MYOM2: variants seen among roughly 807,000 people sequenced by gnomAD.
The protein encoded by MYOM2 is myomesin-2.
Under a neutral mutation model 187.6 loss-of-function variants are expected in MYOM2, and 254 were observed. That is an observed-to-expected ratio of 1.35 (90% confidence interval 1.22 to 1.50). MYOM2 has a LOEUF of 1.50. Among genes scored for constraint, MYOM2 ranks in the 40% most tolerant of loss-of-function variants. The pLI is 0.00. For synonymous variants in MYOM2, 981 were observed against 753.8 expected, an observed-to-expected ratio of 1.30 and a Z score of -4.94; for missense variants, 2,796 against 1,924.0, an observed-to-expected ratio of 1.45 and a Z score of -8.48.
chr8:2,064,914 T>C (rs1416621587), intron 6 of MYOM2, among the ~76,000 whole-genome samples: 2 of 152,212 alleles, frequency 1.3e-5, no homozygotes, highest in Non-Finnish European at 2.9e-5. Context: ...ATTGCAGTTC[T>C]CAAAAGACTT....
At chr8:2,139,876 GC>G (rs1798215733) in intron 32 of MYOM2, among the ~76,000 whole-genome samples, 1 of 152,186 alleles carries the variant, frequency 6.6e-6, no homozygotes, top group Admixed American at 6.5e-5. Flanking sequence ...GAATGTATGA[GC>G]ACCTTGTTTT....
At chr8:2,084,508 T>G (rs1819740292) in intron 13 of MYOM2, among the ~76,000 whole-genome samples, 1 of 152,222 alleles carries the variant, frequency 6.6e-6, no homozygotes, top group African/African-American at 2.4e-5. Flanking sequence ...TTATCACAAT[T>G]TCAAGAACTG....
rs985473708 is a variant in MYOM2 at position 2,102,094 on chromosome 8, G to A, written c.2620-573G>A. The A allele has an allele frequency of 2.6e-5, 4 of 152,380 alleles. No homozygotes were observed. In the South Asian group the frequency reaches 8.3e-4, roughly 31 times the overall value. The allele number at this position is 152,380 out of a possible 1,614,324, so 9.4% of individuals were successfully genotyped here. On this transcript the variant is annotated intron_variant, in intron 20 of 36. Transcript: ENST00000262113. ...GGTCCGGCACCTGAGCACAGGCTGA[G>A]AGGGCCTTCCACGGGTGACACCTTC...
At chr8:2,111,440 A>G (rs957295282) in intron 25 of MYOM2, among the ~76,000 whole-genome samples, 10 of 152,266 alleles carry the variant, frequency 6.6e-5, no homozygotes, top group Admixed American at 1.3e-4. Flanking sequence ...GAATCTACTC[A>G]GTGAGAATCA....
chr8:2,096,559 A>G, intron 18 of MYOM2, 125 bp downstream of exon 18: 1 of 881,110 alleles, frequency 1.1e-6, no homozygotes, highest in Non-Finnish European at 1.7e-6. Context: ...AAAAAATAGC[A>G]TCATGAGATC....
In MYOM2 at chr8:2,102,781, G is replaced by A; in HGVS notation, c.2734G>A (p.Gly912Ser). ...SEPVLVEARP[G>S]TKEISAGVDE... ...GCCTGTGCTGGTAGAGGCGAGACCAGGTAAGGCTTACAACAAAAACTACAA... is the reference window on the plus strand; with the variant it reads ...GCCTGTGCTGGTAGAGGCGAGACCAAGTAAGGCTTACAACAAAAACTACAA... Residue 912 changes from glycine to serine, a missense_variant and splice_region_variant, in exon 21 of 37, where the codon GGC becomes AGC. By Grantham distance (56) the Gly-to-Ser change is moderately conservative. Coordinates refer to ENST00000262113, the MANE Select transcript of MYOM2 (RefSeq NM_003970.4). 6.2e-7 allele frequency: 1 copy of A among 1,610,600 alleles called. No individual in the cohort carries two copies. The highest frequency in any genetic ancestry group is 8.5e-7 in the Non-Finnish European group (1 of 1,177,078).
intron 6 of MYOM2, among the ~76,000 whole-genome samples, chr8:2,062,583 C>A (rs556718006): frequency 7.6e-4 from 116 of 152,218 alleles, no homozygotes; most frequent in Non-Finnish European, 1.3e-3. Context: ...GCAAAGGATG[C>A]CTCTCCTGGG....
At chr8:2,130,425 G>C (rs369425162) in intron 32 of MYOM2, among the ~76,000 whole-genome samples, 2 of 136,044 alleles carry the variant, frequency 1.5e-5, no homozygotes, top group African/African-American at 2.8e-5. Context: ...CCATCAGTAC[G>C]CTATACCCAG....
Position 2,109,490 on chromosome 8 carries a change from T to C in MYOM2, c.3139T>C (p.Tyr1047His). 1 of 1,613,520 alleles carries C rather than the reference T, an allele frequency of 6.2e-7. No individual in the cohort carries two copies. Among genetic ancestry groups the C allele is most frequent in the South Asian group, 1.1e-5 (1 of 91,030 alleles). ...QAEHLSPDAS[Y>H]RFIINDREVS... ...TGAGCACTTATCACCAGATGCCAGC[T>C]ACCGATTTATTATTAACGACAGAGA... Residue 1047 changes from tyrosine (Y) to histidine (H), a missense_variant, in exon 25 of 37, where the codon TAC becomes CAC. By Grantham distance (83) the Tyr-to-His change is moderately conservative. Coordinates refer to ENST00000262113, the MANE Select transcript of MYOM2 (RefSeq NM_003970.4).
chr8:2,078,584 A>T, intron 11 of MYOM2, 150 bp from the exon 12 acceptor site: 1 of 664,756 alleles, frequency 1.5e-6, no homozygotes, highest in Non-Finnish European at 2.6e-6. Context: ...ATGTTTATCT[A>T]TACAAGTCAA....
At chr8:2,068,531 C>G (rs923313601) in intron 6 of MYOM2, among the ~76,000 whole-genome samples, 1 of 151,090 alleles carries the variant, frequency 6.6e-6, no homozygotes, top group Non-Finnish European at 1.5e-5. Context: ...GGGTACAGCT[C>G]TTCAATGCCT....
At position 2,116,275 on chromosome 8, in the gene MYOM2, G is replaced by A. The variant is rs757002569; in HGVS notation, c.3385G>A (p.Gly1129Ser). 3.7e-6 allele frequency: 6 copies of A among 1,612,440 alleles called. No individual in the cohort carries two copies. The highest frequency in any genetic ancestry group is 4.2e-6 in the Non-Finnish European group (5 of 1,179,066). ...FQRKEFLRKQGPHFAEYLHWD... is the reference protein window; with the variant it reads ...FQRKEFLRKQSPHFAEYLHWD... ...AAGGAAAGAATTTCTCAGGAAACAA[G>A]GTGAGTTTCCTCACTCTGACCGGCT... Residue 1129 changes from glycine (G) to serine (S), a missense_variant and splice_region_variant, in exon 27 of 37, where the codon GGC becomes AGC. Gly to Ser is a moderately conservative substitution (Grantham distance 56, BLOSUM62 0). Coordinates refer to ENST00000262113, the MANE Select transcript of MYOM2 (RefSeq NM_003970.4).
chr8:2,051,864 G>A (rs137957323), intron 2 of MYOM2, among the ~76,000 whole-genome samples: 1 of 152,322 alleles, frequency 6.6e-6, no homozygotes, highest in East Asian at 1.9e-4. Flanking sequence ...GTGTGCACGC[G>A]CTGTGTGTAT....
In MYOM2 at chr8:2,111,722, G is replaced by A. The variant is rs28639459; in HGVS notation, c.3180+2191G>A. 1.6e-3 allele frequency among the ~76,000 whole-genome samples: 240 copies of A among 152,278 alleles called. 1 individual carries two copies. Among genetic ancestry groups the A allele is most frequent in the African/African-American group, 5.0e-3 (206 of 41,554 alleles). ...AGTCTCCAGGGACGGGGACAAAGTT[G>A]TTGTGCTTCCTGCAGTTGAGCCATT... On this transcript the variant is annotated intron_variant, in intron 25 of 36. Coordinates refer to ENST00000262113, the MANE Select transcript of MYOM2 (RefSeq NM_003970.4).
intron 19 of MYOM2, 23 bp downstream of exon 19, chr8:2,099,006 C>T (rs199798285): frequency 1.4e-5 from 22 of 1,584,222 alleles, no homozygotes; most frequent in Non-Finnish European, 1.7e-5. Context: ...CCCCAGGACA[C>T]CCGCGTTCCA....
At chr8:2,113,665 C>G (rs1797141625) in intron 25 of MYOM2, among the ~76,000 whole-genome samples, 1 of 152,188 alleles carries the variant, frequency 6.6e-6, no homozygotes, top group South Asian at 2.1e-4. Flanking sequence ...GAAGGCTTCT[C>G]AGGTCTGCAC....
chr8:2,083,391 C>A (rs1459380368), intron 13 of MYOM2, among the ~76,000 whole-genome samples: 1 of 151,924 alleles, frequency 6.6e-6, no homozygotes, highest in Non-Finnish European at 1.5e-5. Flanking sequence ...AGCGGCATCT[C>A]ACATGTGCCT....
chr8:2,115,762 G>T (rs956023119), intron 25 of MYOM2, among the ~76,000 whole-genome samples, 198 bp from the exon 26 acceptor site: 5 of 152,188 alleles, frequency 3.3e-5, no homozygotes, highest in African/African-American at 1.2e-4. Context: ...ACACAGCCAG[G>T]CTTTGTCACT....
At position 2,093,399 on chromosome 8, in the gene MYOM2, C is replaced by T. The variant is rs535999266; in HGVS notation, c.2004-571C>T. 7.2e-5 allele frequency among the ~76,000 whole-genome samples: 11 copies of T among 152,288 alleles called. 1 individual carries two copies. The highest frequency in any genetic ancestry group is 2.2e-4 in the African/African-American group (9 of 41,564). On this transcript the variant is annotated intron_variant, in intron 16 of 36. Coordinates refer to ENST00000262113, the MANE Select transcript of MYOM2 (RefSeq NM_003970.4). Reference sequence around the variant, plus strand: ...TTACACGGACTGAATATCTATCATACACAAAGCATCTGTGCTAAGTTGTCC... The same window carrying T: ...TTACACGGACTGAATATCTATCATATACAAAGCATCTGTGCTAAGTTGTCC...
Sources: allele counts gnomAD v4.1 joint callset (sites outside exome capture counted in the v4.1 genomes callset), GRCh38; gene constraint gnomAD v4.1.1; transcripts MANE v1.5; gene names NCBI Gene and HGNC (gene_info 2026-07-23, HGNC 2026-07-21).